BACE2: variants seen among roughly 807,000 people sequenced by gnomAD.
BACE2 encodes the protein 56 kDa aspartic-like protease.
Under a neutral mutation model 46.2 loss-of-function variants are expected in BACE2, and 17 were observed. That is an observed-to-expected ratio of 0.37 (90% CI 0.25 to 0.55). The LOEUF is 0.55. Among genes scored for constraint, BACE2 ranks in the 20% least tolerant of loss-of-function variants. The pLI is 0.82. For missense variants in BACE2, 595 were observed against 698.1 expected (o/e 0.85, Z 1.66); for synonymous variants, 277 against 295.9 (o/e 0.94, Z 0.66).
chr21:41,179,506 G>T, intron 1 of BACE2: 1 of 1,121,570 alleles, frequency 8.9e-7, no homozygotes. Context: ...GACGGTGTCT[G>T]GGGTGAGTGA....
At chr21:41,255,834 T>C (rs1288363968) in intron 7 of BACE2, among the ~76,000 whole-genome samples, 2 of 152,234 alleles carry the variant, frequency 1.3e-5, no homozygotes, top group African/African-American at 4.8e-5. Flanking sequence ...TTATTTAACC[T>C]TGTATAACAT....
intron 1 of BACE2, among the ~76,000 whole-genome samples, chr21:41,170,995 AAG>A (rs1601234159): frequency 6.6e-6 from 1 of 152,188 alleles, no homozygotes; most frequent in East Asian, 1.9e-4. Context: ...CAGGGCAAGA[AAG>A]AGGGAGGGCC....
At chr21:41,241,730 A>G in intron 3 of BACE2, 89 bp from the exon 4 acceptor site, 1 of 1,473,092 alleles carries the variant, frequency 6.8e-7, no homozygotes, top group South Asian at 1.3e-5. Flanking sequence ...AACACCAGGA[A>G]TGTCTGTGGC....
At chr21:41,168,816 T>C (rs1402873912) in intron 1 of BACE2, among the ~76,000 whole-genome samples, 2 of 151,932 alleles carry the variant, frequency 1.3e-5, no homozygotes, top group African/African-American at 2.4e-5. Flanking sequence ...TTTCAGAACT[T>C]GTGAGCTCCC....
intron 8 of BACE2, among the ~76,000 whole-genome samples, chr21:41,264,084 T>C (rs1478601806): frequency 6.6e-6 from 1 of 152,224 alleles, no homozygotes; most frequent in African/African-American, 2.4e-5. Flanking sequence ...ATACATTTTA[T>C]ATTGGCCTAA....
chr21:41,223,523 G>A lies in BACE2; in HGVS notation c.313-2743G>A, dbSNP rs150860481. Among the ~76,000 whole-genome samples the A allele has an allele frequency of 3.4e-4, 52 of 152,190 alleles. 1 individual carries two copies. In the East Asian group the frequency reaches 9.3e-3, roughly 27 times the overall value. ...AGTCCTTTGGCATTCTTGTGACTCC[G>A]TCACTCCCATCCCTGTCTCTGCTGT... On this transcript the variant is annotated intron_variant, in intron 1 of 8. Coordinates refer to ENST00000330333, the MANE Select transcript of BACE2 (RefSeq NM_012105.5).
intron 1 of BACE2, among the ~76,000 whole-genome samples, chr21:41,195,689 C>A (rs1985709682): frequency 6.6e-6 from 1 of 152,210 alleles, no homozygotes; most frequent in South Asian, 2.1e-4. Context: ...TCCTCCCCGA[C>A]TATAGACCGC....
intron 2 of BACE2, among the ~76,000 whole-genome samples, chr21:41,233,438 G>A (rs1380992032): frequency 3.3e-5 from 5 of 152,200 alleles, no homozygotes; most frequent in African/African-American, 7.2e-5. Context: ...AACTCCAGCT[G>A]CCTCTGCTGT....
chr21:41,256,246 C>A (rs547213140), intron 7 of BACE2, among the ~76,000 whole-genome samples: 3 of 152,298 alleles, frequency 2.0e-5, no homozygotes. Flanking sequence ...CCCTAGCCCT[C>A]TACCCCCTGA....
At chr21:41,191,376 A>G (rs1421501036) in intron 1 of BACE2, among the ~76,000 whole-genome samples, 3 of 152,230 alleles carry the variant, frequency 2.0e-5, no homozygotes, top group Non-Finnish European at 2.9e-5. Flanking sequence ...GTCAGAGGCA[A>G]TGCTGTGTGG....
intron 1 of BACE2, among the ~76,000 whole-genome samples, chr21:41,205,285 A>T (rs986316235): frequency 5.3e-5 from 8 of 152,216 alleles, no homozygotes; most frequent in Non-Finnish European, 1.2e-4. Context: ...CACCTTTTCA[A>T]CACTTAGAAA....
rs561078987 is a variant in BACE2 at position 41,279,334 on chromosome 21, G to A, written c.*3710G>A. On this transcript the variant is annotated 3_prime_UTR_variant, in exon 9 of 9. Transcript: ENST00000330333. ...GTTTAGGCCAGGCACGGTAGCTCGTGCCTGTAATCCCAGCACTTTGGGAGG... is the reference window on the plus strand; with the variant it reads ...GTTTAGGCCAGGCACGGTAGCTCGTACCTGTAATCCCAGCACTTTGGGAGG... 5 of 152,190 alleles carry A rather than the reference G, an allele frequency of 3.3e-5. No homozygotes were observed. The East Asian group carries it at 7.7e-4, about 23-fold the overall frequency. The allele number at this position is 152,190 out of a possible 1,614,324, so 9.4% of individuals were successfully genotyped here.
At chr21:41,173,639 A>ACTCG in intron 1 of BACE2, among the ~76,000 whole-genome samples, 1 of 152,190 alleles carries the variant, frequency 6.6e-6, no homozygotes, top group Admixed American at 6.5e-5. Flanking sequence ...CCAGCTACTC[A>ACTCG]GGAGGCTGAG....
At chr21:41,179,763 G>GGTGGA (rs1192166841) in intron 1 of BACE2, 2 of 791,414 alleles carry the variant, frequency 2.5e-6, no homozygotes, top group African/African-American at 3.6e-5. Flanking sequence ...TGTGGGGTGG[G>GGTGGA]GTGGAGAAGA....
chr21:41,241,152 A>T (rs180885409), intron 3 of BACE2, among the ~76,000 whole-genome samples: 7 of 152,262 alleles, frequency 4.6e-5, no homozygotes, highest in African/African-American at 1.7e-4. Flanking sequence ...GTCTCTCTGG[A>T]GAAATGAGGG....
chr21:41,259,838 T>G (rs1056796642), intron 8 of BACE2, among the ~76,000 whole-genome samples: 1 of 152,124 alleles, frequency 6.6e-6, no homozygotes, highest in Non-Finnish European at 1.5e-5. Flanking sequence ...TATTTTATTT[T>G]TTATTTTTAG....
At chr21:41,250,724 G>T (rs199579152) in intron 6 of BACE2, 28 bp from the exon 7 acceptor site, 2 of 1,612,688 alleles carry the variant, frequency 1.2e-6, no homozygotes, top group Non-Finnish European at 8.5e-7. Flanking sequence ...ACTAGTCATG[G>T]TTTCTGATGT....
At chr21:41,249,481 A>G (rs1490257088) in intron 6 of BACE2, among the ~76,000 whole-genome samples, 4 of 152,194 alleles carry the variant, frequency 2.6e-5, no homozygotes, top group Non-Finnish European at 4.4e-5. Flanking sequence ...TCTGCAGATG[A>G]AATGTGGTCA....
chr21:41,179,987 T>A (rs1985052445), intron 1 of BACE2: 6 of 349,006 alleles, frequency 1.7e-5, no homozygotes, highest in South Asian at 1.4e-4. Context: ...TAGCAACTTT[T>A]ATTGAAGCGG....
Sources: allele counts gnomAD v4.1 joint callset (sites outside exome capture counted in the v4.1 genomes callset), GRCh38; gene constraint gnomAD v4.1.1; transcripts MANE v1.5; gene names NCBI Gene and HGNC (gene_info 2026-07-23, HGNC 2026-07-21).